USP8: variants seen among roughly 807,000 people sequenced by gnomAD.
The protein encoded by USP8 is ubiquitin carboxyl-terminal hydrolase 8.
Under a neutral mutation model 130.0 loss-of-function variants are expected in USP8, and 27 were observed. The ratio of observed to expected loss-of-function variants is 0.21; its 90% CI spans 0.15 to 0.29. The LOEUF is 0.29. Among genes scored for constraint, USP8 ranks in the 10% least tolerant of loss-of-function variants. The probability of loss-of-function intolerance (pLI) is 1.00; values close to 1 mark genes in which losing one functional copy is unlikely to be tolerated. For synonymous variants in USP8, 392 were observed against 444.1 expected, an observed-to-expected ratio of 0.88 and a Z score of 1.48; for missense variants, 1,029 against 1,312.2, an observed-to-expected ratio of 0.78 and a Z score of 3.33.
chr15:50,495,533 C>T (rs957945098), intron 16 of USP8, among the ~76,000 whole-genome samples: 2 of 151,538 alleles, frequency 1.3e-5, no homozygotes, highest in African/African-American at 4.9e-5. Flanking sequence ...AACTCCTGGC[C>T]CCAAGCAGTC....
intron 8 of USP8, among the ~76,000 whole-genome samples, chr15:50,474,656 T>G (rs1448572505): frequency 6.6e-6 from 1 of 152,054 alleles, no homozygotes; most frequent in African/African-American, 2.4e-5. Context: ...AGCCAGTAAA[T>G]AAAAGAGAAT....
chr15:50,462,133 T>C (rs1181735671), intron 5 of USP8, 147 bp from the exon 6 acceptor site: 2 of 587,394 alleles, frequency 3.4e-6, no homozygotes, highest in Non-Finnish European at 5.8e-6. Context: ...TTTAATATCA[T>C]TATTATTCGT....
chr15:50,439,838 T>C (rs1320477684), intron 2 of USP8, among the ~76,000 whole-genome samples: 1 of 132,738 alleles, frequency 7.5e-6, no homozygotes, highest in Non-Finnish European at 1.6e-5. Context: ...ATTTTTTTTT[T>C]CCACTTTGGG....
intron 8 of USP8, among the ~76,000 whole-genome samples, chr15:50,475,376 TACC>T (rs1439929610): frequency 3.3e-5 from 5 of 152,114 alleles, no homozygotes; most frequent in African/African-American, 4.8e-5. Context: ...TAAAACAAGA[TACC>T]ATTTTATGTT....
chr15:50,496,136 T>C (rs2141327161), intron 17 of USP8, 52 bp downstream of exon 17: 2 of 1,410,212 alleles, frequency 1.4e-6, no homozygotes, highest in Non-Finnish European at 2.0e-6. Context: ...AATGCTGTTT[T>C]TATGGATATA....
At position 50,477,387 on chromosome 15, in the gene USP8, A is replaced by G. The variant is rs763497996; in HGVS notation, c.1106A>G (p.Asn369Ser). The change falls in exon 10 of 20, where the codon AAT (asparagine) becomes AGT (serine). Residue 369 changes from asparagine (N) to serine (S), a missense_variant. Asn to Ser is a conservative substitution (Grantham distance 46). Transcript: ENST00000307179. ...AATATAGAATTGATAAGTGGTCAAA[A>G]TGAGAGAATGGGACCACTGAATATA... ...DENIELISGQ[N>S]ERMGPLNIST... 3.7e-6 allele frequency: 6 copies of G among 1,614,180 alleles called. No individual in the cohort carries two copies. The South Asian group carries it at 6.6e-5, about 18-fold the overall frequency.
intron 1 of USP8, 50 bp downstream of exon 1, chr15:50,424,564 C>G: frequency 2.5e-6 from 1 of 398,570 alleles, no homozygotes; most frequent in Admixed American, 4.4e-5. Flanking sequence ...AAGTCGTCCG[C>G]TGTGAACGAT....
At chr15:50,431,785 T>C (rs1314543814) in intron 1 of USP8, among the ~76,000 whole-genome samples, 1 of 152,046 alleles carries the variant, frequency 6.6e-6, no homozygotes, top group Non-Finnish European at 1.5e-5. Context: ...GCCTCCTGAG[T>C]AGGTGGAATT....
chr15:50,482,190 T>C (rs1175665978), intron 11 of USP8, 125 bp downstream of exon 11: 4 of 817,368 alleles, frequency 4.9e-6, no homozygotes, highest in Non-Finnish European at 3.5e-6. Flanking sequence ...TGATAGAATG[T>C]ACTGATCTAT....
rs2052575489 is a variant in USP8, at chr15:50,501,014, A to G, written c.*1926A>G. On this transcript the variant is annotated 3_prime_UTR_variant, in exon 20 of 20. Transcript: ENST00000307179. ...TGACTGCTATATTGCTTCTCATTTC[A>G]TTGTAACTACTTATATGTTGTGCCC... The G allele has an allele frequency of 7.0e-6, 4 of 569,484 alleles. No homozygotes were observed. The highest frequency in any genetic ancestry group is 1.3e-5 in the Non-Finnish European group (4 of 315,960). The allele number at this position is 569,484 out of a possible 1,614,324, so 35.3% of individuals were successfully genotyped here. A position where few individuals can be genotyped will look rare whatever the true frequency, so the allele number is the denominator to read the frequency against.
rs1297141416 is a variant in USP8 at position 50,424,505 on chromosome 15, C to T, written c.-75C>T. 2.5e-6 allele frequency: 1 copy of T among 398,672 alleles called. No individual in the cohort carries two copies. 24.7% of individuals were successfully genotyped at this position (398,672 alleles called of 1,614,324 possible). A position where few individuals can be genotyped will look rare whatever the true frequency, so the allele number is the denominator to read the frequency against. ...AAGGCTGGCGTTAGTGAAGCGCGCC[C>T]GGCGTCACGGTGAGTGCGGGTCTTG... On this transcript the variant is annotated 5_prime_UTR_variant, in exon 1 of 20. Transcript: ENST00000307179.
chr15:50,495,693 G>A, intron 16 of USP8, 155 bp from the exon 17 acceptor site: 3 of 586,694 alleles, frequency 5.1e-6, no homozygotes, highest in Non-Finnish European at 8.7e-6. Flanking sequence ...TTTTTGGCTA[G>A]AATTATTTTT....
chr15:50,496,145 T>G (rs1451853644), intron 17 of USP8, 61 bp downstream of exon 17: 5 of 1,340,646 alleles, frequency 3.7e-6, no homozygotes, highest in Non-Finnish European at 5.2e-6. Context: ...TTTATGGATA[T>G]AGAGATGTAA....
Position 50,499,165 on chromosome 15 carries a change from G to GT in USP8, c.*78dup. 7.0e-7 allele frequency: 1 copy of GT among 1,424,304 alleles called. No individual in the cohort carries two copies. The highest frequency in any genetic ancestry group is 9.4e-7 in the Non-Finnish European group (1 of 1,066,164). The allele number at this position is 1,424,304 out of a possible 1,614,324, so 88.2% of individuals were successfully genotyped here. A position where few individuals can be genotyped will look rare whatever the true frequency, so the allele number is the denominator to read the frequency against. ...TCTTGAAATGCTTATCAGGATAATGGTAGCTATAGCTGGCCATTTAGAGGA... is the reference window on the plus strand; with the variant it reads ...TCTTGAAATGCTTATCAGGATAATGGTTAGCTATAGCTGGCCATTTAGAGGA... On this transcript the variant is annotated 3_prime_UTR_variant, in exon 20 of 20. Coordinates refer to ENST00000307179, the MANE Select transcript of USP8 (RefSeq NM_005154.5).
At chr15:50,441,628 A>G in intron 3 of USP8, 135 bp downstream of exon 3, 2 of 679,378 alleles carry the variant, frequency 2.9e-6, no homozygotes, top group Non-Finnish European at 4.6e-6. Flanking sequence ...AGATAGAAAA[A>G]GGGAACTAAA....
chr15:50,476,764 G>A, intron 8 of USP8, 85 bp from the exon 9 acceptor site: 2 of 1,407,308 alleles, frequency 1.4e-6, no homozygotes, highest in Non-Finnish European at 1.9e-6. Flanking sequence ...GTCCTTAAGG[G>A]AACAACTTTA....
chr15:50,488,373 T>C (rs546977821), intron 12 of USP8, among the ~76,000 whole-genome samples: 2 of 152,052 alleles, frequency 1.3e-5, no homozygotes, highest in East Asian at 1.9e-4. Flanking sequence ...AGCACACATA[T>C]TCTATTTATT....
Position 50,443,522 on chromosome 15 carries a change from C to CT in USP8, c.249+2029_249+2030insT. ...TTTTAAAGACGGAGTCTCACTCTGT[C>CT]GCCCAGACTGGAGTGCGGTAGCTCA... On this transcript the variant is annotated intron_variant, in intron 3 of 19. Transcript: ENST00000307179. Among the ~76,000 whole-genome samples the CT allele has an allele frequency of 2.0e-5, 3 of 152,040 alleles. No homozygotes were observed. In the South Asian group the frequency reaches 6.2e-4, roughly 32 times the overall value.
In USP8 at chr15:50,459,086, C is replaced by G; in HGVS notation, c.422C>G (p.Thr141Arg). ...CGGCTACAACAAAAAAGGCAGGAAACAGGAAGAGAGGATGGTGGCACATTG... is the reference window on the plus strand; with the variant it reads ...CGGCTACAACAAAAAAGGCAGGAAAGAGGAAGAGAGGATGGTGGCACATTG... The part of the protein sequence containing the change: ...AQRLQQKRQE[T>R]GREDGGTLAK... The change falls in exon 5 of 20, where the codon ACA (threonine) becomes AGA (arginine). Residue 141 changes from threonine (T) to arginine (R), a missense_variant. Physicochemically the swap from Thr to Arg is moderately conservative, Grantham distance 71. Transcript: ENST00000307179. The G allele has an allele frequency of 6.2e-7, 1 of 1,614,016 alleles. No individual in the cohort carries two copies. Among genetic ancestry groups the G allele is most frequent in the Non-Finnish European group, 8.5e-7 (1 of 1,180,016 alleles).
Sources: gnomAD v4.1 joint callset for allele counts (sites outside exome capture counted in the v4.1 genomes callset) on GRCh38, gnomAD v4.1.1 for gene constraint, MANE v1.5 for transcripts, NCBI Gene and HGNC (gene_info 2026-07-23, HGNC 2026-07-21) for gene names.